PIK3C2G: variants seen among roughly 807,000 people sequenced by gnomAD.
PIK3C2G encodes phosphatidylinositol 3-kinase C2 domain-containing subunit gamma.
Under a neutral mutation model 181.1 loss-of-function variants are expected in PIK3C2G, and 168 were observed. The observed-to-expected ratio is 0.93, with a 90% CI of 0.82 to 1.05. The LOEUF is 1.05. PIK3C2G is among the 50% of genes least tolerant of loss of function. PIK3C2G has a pLI of 0.00. For synonymous variants in PIK3C2G, 573 were observed against 592.2 expected, an observed-to-expected ratio of 0.97 and a Z score of 0.47; for missense variants, 1,869 against 1,732.8, an observed-to-expected ratio of 1.08 and a Z score of -1.40.
the PIK3C2G span, among the ~76,000 whole-genome samples, chr12:18,663,340 A>G: frequency 6.6e-6 from 1 of 152,110 alleles, no homozygotes; most frequent in African/African-American, 2.4e-5. Flanking sequence ...GTCCAGAAAA[A>G]CTGTTAGAAT....
the PIK3C2G span, among the ~76,000 whole-genome samples, chr12:18,689,495 G>A: frequency 8.5e-5 from 13 of 152,064 alleles, no homozygotes; most frequent in African/African-American, 3.1e-4. Context: ...TTTTATGTGT[G>A]GCCCAAGATA....
the PIK3C2G span, among the ~76,000 whole-genome samples, chr12:18,721,098 A>G: frequency 6.6e-6 from 1 of 152,136 alleles, no homozygotes; most frequent in African/African-American, 2.4e-5. Context: ...TGACTTGCAT[A>G]CATTTATTAT....
At chr12:18,662,185 T>C in the PIK3C2G span, among the ~76,000 whole-genome samples, 2 of 152,100 alleles carry the variant, frequency 1.3e-5, no homozygotes, top group Admixed American at 6.6e-5. Flanking sequence ...TAAGTAGTTA[T>C]GCTATGCTAC....
At chr12:18,477,855 C>A (rs192426329) in intron 18 of PIK3C2G, among the ~76,000 whole-genome samples, 1 of 152,268 alleles carries the variant, frequency 6.6e-6, no homozygotes, top group East Asian at 1.9e-4. Flanking sequence ...CGCCTTGCAC[C>A]TATAAACCTG....
the PIK3C2G span, among the ~76,000 whole-genome samples, chr12:18,672,531 C>T: frequency 6.6e-6 from 1 of 152,098 alleles, no homozygotes; most frequent in Admixed American, 6.6e-5. Context: ...ATATACTCAA[C>T]ATTCCATATG....
At chr12:18,257,807 G>A (rs1315053621), upstream of PIK3C2G, among the ~76,000 whole-genome samples, 1 of 145,320 alleles carries the variant, frequency 6.9e-6, no homozygotes, top group Non-Finnish European at 1.5e-5. Flanking sequence ...AGAAAAGAAA[G>A]AAAGAAGGAG....
intron 7 of PIK3C2G, among the ~76,000 whole-genome samples, chr12:18,323,245 G>A (rs1216242380): frequency 6.6e-6 from 1 of 152,150 alleles, no homozygotes; most frequent in African/African-American, 2.4e-5. Context: ...CAAGGGTAGA[G>A]GAAACATGTC....
chr12:18,637,830 T>C (rs1280894554), intron 31 of PIK3C2G, among the ~76,000 whole-genome samples: 2 of 152,208 alleles, frequency 1.3e-5, no homozygotes, highest in African/African-American at 2.4e-5. Context: ...CTTTTAATCC[T>C]TTCTGCTACA....
chr12:18,313,818 ACAC>A, intron 5 of PIK3C2G, 141 bp from the exon 6 acceptor site: 4 of 536,572 alleles, frequency 7.5e-6, no homozygotes, highest in Non-Finnish European at 1.3e-5. Context: ...ACACACACAC[ACAC>A]ACACACACGC....
chr12:18,353,427 TAAC>T (rs1415871462), intron 11 of PIK3C2G, among the ~76,000 whole-genome samples: 1 of 152,224 alleles, frequency 6.6e-6, no homozygotes, highest in African/African-American at 2.4e-5. Context: ...TGAAATATGC[TAAC>T]AACATTGTAC....
At chr12:18,705,591 C>T in the PIK3C2G span, among the ~76,000 whole-genome samples, 1 of 152,086 alleles carries the variant, frequency 6.6e-6, no homozygotes, top group Non-Finnish European at 1.5e-5. Flanking sequence ...ACTGGCCAGG[C>T]TCAGTGGCTC....
intron 18 of PIK3C2G, among the ~76,000 whole-genome samples, chr12:18,432,378 C>T (rs1382448621): frequency 2.6e-5 from 4 of 152,190 alleles, no homozygotes; most frequent in African/African-American, 9.6e-5. Flanking sequence ...CTTGGACCCA[C>T]CCAGGCCTTT....
At chr12:18,626,984 CCT>C (rs1400897859) in intron 31 of PIK3C2G, among the ~76,000 whole-genome samples, 3 of 151,794 alleles carry the variant, frequency 2.0e-5, no homozygotes, top group African/African-American at 7.3e-5. Flanking sequence ...TTGTATTCCT[CCT>C]CTCTGTATTT....
chr12:18,374,621 C>T (rs1483581853), intron 13 of PIK3C2G, among the ~76,000 whole-genome samples: 3 of 152,150 alleles, frequency 2.0e-5, no homozygotes, highest in Admixed American at 6.5e-5. Flanking sequence ...TGCCTTACTC[C>T]ATGCACACTC....
intron 16 of PIK3C2G, among the ~76,000 whole-genome samples, chr12:18,406,585 T>C (rs1944545324): frequency 6.6e-6 from 1 of 152,110 alleles, no homozygotes; most frequent in Admixed American, 6.6e-5. Context: ...CCTTTTTAAA[T>C]AAAAGAGCTT....
chr12:18,260,805 C>T (rs1948212813), upstream of PIK3C2G, among the ~76,000 whole-genome samples: 1 of 152,014 alleles, frequency 6.6e-6, no homozygotes, highest in African/African-American at 2.4e-5. Flanking sequence ...CTGGCAGATC[C>T]TATTTTACCT....
chr12:18,378,083 G>T (rs1221650823), intron 13 of PIK3C2G, among the ~76,000 whole-genome samples: 1 of 152,122 alleles, frequency 6.6e-6, no homozygotes, highest in Non-Finnish European at 1.5e-5. Flanking sequence ...GTGCCTCAGG[G>T]TTAAAGCCAT....
intron 32 of PIK3C2G, among the ~76,000 whole-genome samples, chr12:18,645,363 A>G (rs542149066): frequency 2.0e-5 from 3 of 152,332 alleles, no homozygotes; most frequent in South Asian, 4.1e-4. Flanking sequence ...ATAATGTGCA[A>G]TGATTACAGG....
intron 12 of PIK3C2G, among the ~76,000 whole-genome samples, chr12:18,369,507 A>G (rs1419527631): frequency 2.4e-4 from 23 of 96,046 alleles, no homozygotes; most frequent in Admixed American, 2.1e-3. Flanking sequence ...TCATATAACG[A>G]TCGTATAATT....
Sources: allele counts gnomAD v4.1 joint callset (sites outside exome capture counted in the v4.1 genomes callset), GRCh38; gene constraint gnomAD v4.1.1; transcripts MANE v1.5; gene names NCBI Gene and HGNC (gene_info 2026-07-23, HGNC 2026-07-21).